Variants in PRIM2 observed in about 807,000 individuals in gnomAD.
PRIM2 encodes the protein DNA primase subunit 2, also known as DNA primase large subunit.
Under a neutral mutation model 67.3 loss-of-function variants are expected in PRIM2, and 39 were observed. The observed-to-expected ratio is 0.58, with a 90% CI of 0.45 to 0.76. The LOEUF is 0.76. Among genes scored for constraint, PRIM2 ranks in the 30% least tolerant of loss-of-function variants. PRIM2 has a pLI of 0.00. For synonymous variants in PRIM2, 143 were observed against 198.7 expected, an observed-to-expected ratio of 0.72 and a Z score of 2.36; for missense variants, 398 against 598.7, an observed-to-expected ratio of 0.66 and a Z score of 3.50.
chr6:57,634,184 GATA>G (rs1358174459), intron 13 of PRIM2, among the ~76,000 whole-genome samples: 1 of 152,122 alleles, frequency 6.6e-6, no homozygotes, highest in East Asian at 1.9e-4. Flanking sequence ...CTAAATTTGT[GATA>G]ATGACAGCAG....
intron 5 of PRIM2, among the ~76,000 whole-genome samples, chr6:57,358,301 T>C (rs980543440): frequency 5.3e-5 from 8 of 152,350 alleles, no homozygotes; most frequent in Admixed American, 4.6e-4. Context: ...CAGATTGCTC[T>C]TGTATTAAAA....
At chr6:57,337,690 C>T (rs1768306894) in intron 5 of PRIM2, among the ~76,000 whole-genome samples, 1 of 152,054 alleles carries the variant, frequency 6.6e-6, no homozygotes, top group African/African-American at 2.4e-5. Context: ...ATACCAGAAT[C>T]TCTGGGACGC....
intron 10 of PRIM2, among the ~76,000 whole-genome samples, chr6:57,583,488 C>G (rs1296115498): frequency 6.6e-6 from 1 of 151,392 alleles, no homozygotes; most frequent in African/African-American, 2.4e-5. Flanking sequence ...ATCCATGTCC[C>G]CATAAAGGAC....
intron 7 of PRIM2, among the ~76,000 whole-genome samples, chr6:57,496,099 G>C (rs1284066125): frequency 2.6e-5 from 4 of 151,974 alleles, no homozygotes; most frequent in Non-Finnish European, 5.9e-5. Context: ...TCCAAATTGG[G>C]GGAAAAAGAG....
intron 12 of PRIM2, among the ~76,000 whole-genome samples, chr6:57,628,797 G>A (rs1442732582): frequency 6.6e-6 from 1 of 152,020 alleles, no homozygotes; most frequent in Non-Finnish European, 1.5e-5. Flanking sequence ...CTGCATCTGT[G>A]TTGCCATAAA....
chr6:57,363,289 A>G (rs1769254633), intron 5 of PRIM2, among the ~76,000 whole-genome samples: 1 of 152,208 alleles, frequency 6.6e-6, no homozygotes, highest in Non-Finnish European at 1.5e-5. Context: ...CTGAAGAACC[A>G]TGACACAATT....
At chr6:57,501,059 C>T (rs1774120097) in intron 7 of PRIM2, among the ~76,000 whole-genome samples, 1 of 152,148 alleles carries the variant, frequency 6.6e-6, no homozygotes, top group South Asian at 2.1e-4. Context: ...TTCCTAGGTG[C>T]AACCAAAATT....
intron 12 of PRIM2, among the ~76,000 whole-genome samples, chr6:57,608,439 A>T (rs1776599649): frequency 6.6e-6 from 1 of 152,202 alleles, no homozygotes; most frequent in Non-Finnish European, 1.5e-5. Flanking sequence ...TTTTCAAAAA[A>T]AATGTGTCAG....
At chr6:57,339,540 G>A (rs888812220) in intron 5 of PRIM2, among the ~76,000 whole-genome samples, 4 of 152,106 alleles carry the variant, frequency 2.6e-5, no homozygotes, top group African/African-American at 4.8e-5. Context: ...AGAGCCCTCA[G>A]AAATAACGCT....
intron 7 of PRIM2, among the ~76,000 whole-genome samples, chr6:57,384,392 T>G (rs536652274): frequency 1.1e-3 from 163 of 152,280 alleles, no homozygotes; most frequent in African/African-American, 3.7e-3. Context: ...TCAGTCATAT[T>G]GGGGTATCAT....
chr6:57,439,967 A>G lies in PRIM2; in HGVS notation c.693+57799A>G, dbSNP rs1318681501. ...TGCTCATTTAAAAATATTATAAATTACATGTATATGCATATAAATAAATAT... is the reference window on the plus strand; with the variant it reads ...TGCTCATTTAAAAATATTATAAATTGCATGTATATGCATATAAATAAATAT... On this transcript the variant is annotated intron_variant, in intron 7 of 13. Transcript: ENST00000615550. Among the ~76,000 whole-genome samples the G allele has an allele frequency of 3.9e-5, 6 of 152,224 alleles. No individual in the cohort carries two copies. The East Asian group carries it at 1.2e-3, about 29-fold the overall frequency.
At chr6:57,267,066 A>G in the PRIM2 span, among the ~76,000 whole-genome samples, 1 of 152,222 alleles carries the variant, frequency 6.6e-6, no homozygotes, top group African/African-American at 2.4e-5. Flanking sequence ...ATGTCTTGAT[A>G]TAAGTCTAAA....
At chr6:57,311,058 C>T (rs186549599), upstream of PRIM2, among the ~76,000 whole-genome samples, 3 of 148,214 alleles carry the variant, frequency 2.0e-5, no homozygotes, top group African/African-American at 5.0e-5. Context: ...GACAGGGTGG[C>T]GGCCGGGCAG....
At chr6:57,431,541 G>T (rs1486503702) in intron 7 of PRIM2, among the ~76,000 whole-genome samples, 5 of 151,964 alleles carry the variant, frequency 3.3e-5, no homozygotes, top group African/African-American at 1.2e-4. Context: ...CCAGCTACTT[G>T]GGGGGCTCAG....
chr6:57,339,423 G>A (rs2127292399), intron 5 of PRIM2, among the ~76,000 whole-genome samples: 1 of 152,160 alleles, frequency 6.6e-6, no homozygotes, highest in South Asian at 2.1e-4. Context: ...AAAGAACAAA[G>A]CTGGAGGCAG....
chr6:57,363,348 A>G (rs1769257283), intron 5 of PRIM2, among the ~76,000 whole-genome samples: 1 of 152,232 alleles, frequency 6.6e-6, no homozygotes, highest in Admixed American at 6.5e-5. Context: ...ATAAGTATAA[A>G]GGAGACATAC....
intron 7 of PRIM2, among the ~76,000 whole-genome samples, chr6:57,471,689 G>A (rs1288883838): frequency 6.6e-6 from 1 of 152,154 alleles, no homozygotes; most frequent in Non-Finnish European, 1.5e-5. Flanking sequence ...GTGAATGGAT[G>A]AACAATGAAT....
chr6:57,330,384 T>TTG lies in PRIM2; in HGVS notation c.459+4340_459+4341insGT, dbSNP rs1768017945. On this transcript the variant is annotated intron_variant, in intron 5 of 13. Transcript: ENST00000615550. ...TTGTTTTTGTTTTTTTGTTTTTTTG[T>TTG]TTTTTTTTTTTTGAGATGGAGTCTT... Among the ~76,000 whole-genome samples the TTG allele has an allele frequency of 4.0e-4, 14 of 35,142 alleles. 1 individual carries two copies. Among genetic ancestry groups the TTG allele is most frequent in the African/African-American group, 1.5e-3 (12 of 8,054 alleles). 23.1% of individuals were successfully genotyped at this position (35,142 alleles called of 152,430 possible). A position where few individuals can be genotyped will look rare whatever the true frequency, so the allele number is the denominator to read the frequency against.
the PRIM2 span, among the ~76,000 whole-genome samples, chr6:57,263,102 T>A: frequency 6.6e-6 from 1 of 152,202 alleles, no homozygotes; most frequent in African/African-American, 2.4e-5. Flanking sequence ...AATACTATTA[T>A]CACGTAAATA....
Sources: gnomAD v4.1 joint callset for allele counts (sites outside exome capture counted in the v4.1 genomes callset) on GRCh38, gnomAD v4.1.1 for gene constraint, MANE v1.5 for transcripts, NCBI Gene and HGNC (gene_info 2026-07-23, HGNC 2026-07-21) for gene names.